OSBP2: variants seen among roughly 807,000 people sequenced by gnomAD.
OSBP2 encodes oxysterol binding protein 2, also known as oxysterol-binding protein 2.
OSBP2 carries 66 observed loss-of-function variants against 96.0 expected under a neutral mutation model. The observed-to-expected ratio is 0.69, with a 90% CI of 0.56 to 0.84. OSBP2 has a LOEUF of 0.84. OSBP2 is among the 40% of genes least tolerant of loss of function. The pLI, the probability that OSBP2 is intolerant of heterozygous loss-of-function variation, is 0.00. For missense variants in OSBP2, 1,038 were observed against 1,222.7 expected (o/e 0.85, Z 2.25); for synonymous variants, 525 against 520.9 (o/e 1.01, Z -0.11).
At chr22:30,846,398 G>A (rs531481742) in intron 2 of OSBP2, among the ~76,000 whole-genome samples, 6 of 152,134 alleles carry the variant, frequency 3.9e-5, no homozygotes, top group African/African-American at 9.6e-5. Context: ...TGATCCACCC[G>A]CCTTGGCCTC....
intron 2 of OSBP2, among the ~76,000 whole-genome samples, chr22:30,856,909 G>A (rs1481123276): frequency 6.6e-6 from 1 of 152,136 alleles, no homozygotes; most frequent in African/African-American, 2.4e-5. Flanking sequence ...CCAAGCAAGG[G>A]GCTGTCAGGC....
chr22:30,850,068 C>T (rs1002037980), intron 2 of OSBP2, among the ~76,000 whole-genome samples: 2 of 151,892 alleles, frequency 1.3e-5, no homozygotes, highest in African/African-American at 4.8e-5. Flanking sequence ...TTTGGGAGGC[C>T]GAGGCGGGTG....
At chr22:30,820,776 A>C (rs2038256126) in intron 2 of OSBP2, among the ~76,000 whole-genome samples, 1 of 152,236 alleles carries the variant, frequency 6.6e-6, no homozygotes, top group Non-Finnish European at 1.5e-5. Context: ...TTCATTTTGC[A>C]GCCAGAAAAC....
At chr22:30,804,359 A>G (rs1196706490) in intron 2 of OSBP2, among the ~76,000 whole-genome samples, 1 of 152,152 alleles carries the variant, frequency 6.6e-6, no homozygotes, top group Non-Finnish European at 1.5e-5. Flanking sequence ...TGGAGGACTG[A>G]GATCTGTGTT....
intron 1 of OSBP2, among the ~76,000 whole-genome samples, chr22:30,727,223 C>T (rs962895506): frequency 2.6e-5 from 4 of 152,158 alleles, no homozygotes; most frequent in Non-Finnish European, 2.9e-5. Context: ...TCCTTCCTTC[C>T]GCCTAGGAGG....
chr22:30,770,436 CTG>C (rs1205642912), intron 2 of OSBP2: 4 of 152,300 alleles, frequency 2.6e-5, no homozygotes, highest in African/African-American at 7.2e-5. Context: ...CCATGTGGAA[CTG>C]TGAGTCCATT....
intron 1 of OSBP2, among the ~76,000 whole-genome samples, chr22:30,717,671 A>G (rs1039261636): frequency 7.9e-5 from 12 of 152,224 alleles, no homozygotes; most frequent in Admixed American, 2.0e-4. Flanking sequence ...TTGATGACAA[A>G]GATTGCTGGT....
At chr22:30,863,848 G>A (rs1448819191) in intron 2 of OSBP2, among the ~76,000 whole-genome samples, 2 of 152,204 alleles carry the variant, frequency 1.3e-5, no homozygotes, top group Non-Finnish European at 2.9e-5. Context: ...CTGCTGTGGG[G>A]AGTGGGGAGC....
chr22:30,792,903 C>T (rs779313833), intron 2 of OSBP2, among the ~76,000 whole-genome samples: 1 of 152,188 alleles, frequency 6.6e-6, no homozygotes, highest in Non-Finnish European at 1.5e-5. Context: ...GTGTGCCTGG[C>T]ATGTTTACAT....
chr22:30,804,712 C>T (rs1306137858), intron 2 of OSBP2, among the ~76,000 whole-genome samples: 1 of 152,180 alleles, frequency 6.6e-6, no homozygotes, highest in African/African-American at 2.4e-5. Flanking sequence ...TTCTTGACCA[C>T]TTTTTTCCAC....
chr22:30,878,243 T>C (rs367689955), intron 3 of OSBP2, among the ~76,000 whole-genome samples: 6 of 152,226 alleles, frequency 3.9e-5, no homozygotes, highest in East Asian at 1.9e-4. Context: ...CCAAATAAAA[T>C]GATCCCACGT....
At chr22:30,795,784 G>C (rs904493568) in intron 2 of OSBP2, among the ~76,000 whole-genome samples, 1 of 152,186 alleles carries the variant, frequency 6.6e-6, no homozygotes, top group Admixed American at 6.5e-5. Flanking sequence ...CTCCCAAAGT[G>C]CTGGGATTAC....
At chr22:30,764,606 C>T (rs1366019137) in intron 2 of OSBP2, among the ~76,000 whole-genome samples, 1 of 152,164 alleles carries the variant, frequency 6.6e-6, no homozygotes, top group Non-Finnish European at 1.5e-5. Flanking sequence ...GTGTTTCTTA[C>T]TTGTTGGGGG....
chr22:30,885,759 A>G (rs1569165689), intron 3 of OSBP2, among the ~76,000 whole-genome samples: 1 of 152,216 alleles, frequency 6.6e-6, no homozygotes, highest in Admixed American at 6.5e-5. Context: ...GCCCTACCAT[A>G]ATGAGCAACA....
intron 2 of OSBP2, among the ~76,000 whole-genome samples, chr22:30,772,376 C>T (rs902500277): frequency 4.6e-5 from 7 of 152,186 alleles, no homozygotes; most frequent in Non-Finnish European, 8.8e-5. Context: ...CCGTGCCTGT[C>T]GTGGAAGACC....
chr22:30,762,841 A>G (rs1229760853), intron 2 of OSBP2, among the ~76,000 whole-genome samples: 2 of 152,174 alleles, frequency 1.3e-5, no homozygotes, highest in East Asian at 1.9e-4. Flanking sequence ...CCCCTCGAGC[A>G]TGGTAGCGTA....
At chr22:30,775,453 CAA>C (rs773436557) in intron 2 of OSBP2, among the ~76,000 whole-genome samples, 10 of 130,550 alleles carry the variant, frequency 7.7e-5, no homozygotes, top group Admixed American at 1.6e-4. Context: ...ACTAAAAATA[CAA>C]AAAAAAAAAA....
In OSBP2 at chr22:30,741,215, G is replaced by A. The variant is rs1249967056; in HGVS notation, c.699G>A (p.Ala233=). ...TCRGTINLST[A]HIDTEDSCGI... Reference sequence around the variant, plus strand: ...GTGGAACCATCAACCTGTCCACCGCGCACATTGACACGGAGGACTCTTGTG... The same window carrying A: ...GTGGAACCATCAACCTGTCCACCGCACACATTGACACGGAGGACTCTTGTG... The change falls in exon 2 of 14, where the codon GCG becomes GCA. Residue 233 remains alanine (A), a synonymous_variant. Coordinates refer to ENST00000332585, the MANE Select transcript of OSBP2 (RefSeq NM_030758.4). 17 of 1,614,162 alleles carry A rather than the reference G, an allele frequency of 1.1e-5. No homozygotes were observed. Among genetic ancestry groups the A allele is most frequent in the Admixed American group, 1.7e-5 (1 of 60,026 alleles).
At chr22:30,746,560 G>A (rs958839242) in intron 2 of OSBP2, among the ~76,000 whole-genome samples, 1 of 140,290 alleles carries the variant, frequency 7.1e-6, no homozygotes, top group Non-Finnish European at 1.5e-5. Context: ...TGCAATCTCG[G>A]CTCATTGCAA....
Sources: allele counts gnomAD v4.1 joint callset (sites outside exome capture counted in the v4.1 genomes callset), GRCh38; gene constraint gnomAD v4.1.1; transcripts MANE v1.5; gene names NCBI Gene and HGNC (gene_info 2026-07-23, HGNC 2026-07-21).